The following RANBP9 variants were observed in gnomAD, a reference collection of about 807,000 sequenced individuals.
RANBP9 encodes the protein ran-binding protein 9.
A neutral mutation model predicts 84.3 loss-of-function variants in RANBP9; 15 were observed. The observed-to-expected ratio is 0.18, with a 90% CI of 0.12 to 0.27. The LOEUF is 0.27. Among genes scored for constraint, RANBP9 ranks in the 10% least tolerant of loss-of-function variants. The pLI is 1.00. For synonymous variants in RANBP9, 392 were observed against 349.6 expected (o/e 1.12, Z -1.35); for missense variants, 809 against 912.8 (o/e 0.89, Z 1.46).
intron 2 of RANBP9, among the ~76,000 whole-genome samples, chr6:13,666,920 G>A (rs1043571960): frequency 1.3e-5 from 2 of 152,142 alleles, no homozygotes; most frequent in African/African-American, 4.8e-5. Flanking sequence ...ATCTGACAAA[G>A]GGAAATTTGT....
chr6:13,623,281 A>G (rs1562293258), intron 13 of RANBP9, among the ~76,000 whole-genome samples: 1 of 152,240 alleles, frequency 6.6e-6, no homozygotes, highest in African/African-American at 2.4e-5. Flanking sequence ...AATCAATAAA[A>G]TTACTAATCA....
rs1584955365 is a variant in RANBP9, at chr6:13,711,188, C to G, written c.318G>C (p.Pro106=). The part of the protein sequence containing the change: ...AAPASGPPAP[P]GLAAGPGPAG... ...CCGGGCCGGGGCCCGCTGCAAGGCC[C>G]GGGGGAGCGGGCGGCCCGCTGGCGG... is the stretch of plus-strand genomic sequence containing the variant. Residue 106 remains proline, a synonymous_variant, in exon 1 of 14, where the codon CCG becomes CCC. Transcript: ENST00000011619. 1 of 1,127,982 alleles carries G rather than the reference C, an allele frequency of 8.9e-7. No individual in the cohort carries two copies. Among genetic ancestry groups the G allele is most frequent in the Non-Finnish European group, 1.1e-6 (1 of 924,026 alleles). The allele number at this position is 1,127,982 out of a possible 1,614,324, so 69.9% of individuals were successfully genotyped here. A position where few individuals can be genotyped will look rare whatever the true frequency, so the allele number is the denominator to read the frequency against.
At chr6:13,641,453 T>C in intron 7 of RANBP9, 146 bp from the exon 8 acceptor site, 1 of 569,062 alleles carries the variant, frequency 1.8e-6, no homozygotes, top group Non-Finnish European at 3.0e-6. Context: ...ATAGTTTCCA[T>C]TAGGCAATCC....
At chr6:13,705,406 CAAAAAAAAAA>C (rs774239782) in intron 1 of RANBP9, among the ~76,000 whole-genome samples, 384 of 26,752 alleles carry the variant, frequency 0.014, 4 homozygotes, top group African/African-American at 0.045. Flanking sequence ...GATTCTGTCT[CAAAAAAAAAA>C]AAAAAAAAAA....
intron 2 of RANBP9, among the ~76,000 whole-genome samples, chr6:13,673,085 C>T (rs1765811830): frequency 6.6e-6 from 1 of 152,120 alleles, no homozygotes; most frequent in Non-Finnish European, 1.5e-5. Flanking sequence ...AACATCAAAA[C>T]ATCAACACCT....
intron 2 of RANBP9, among the ~76,000 whole-genome samples, chr6:13,695,698 C>T (rs1303809575): frequency 6.6e-6 from 1 of 152,078 alleles, no homozygotes; most frequent in Non-Finnish European, 1.5e-5. Flanking sequence ...ACCACTCTAT[C>T]CTTGGCATCT....
chr6:13,658,934 T>G (rs1473986603), intron 2 of RANBP9, 102 bp from the exon 3 acceptor site: 15 of 1,169,830 alleles, frequency 1.3e-5, no homozygotes, highest in Non-Finnish European at 1.9e-5. Flanking sequence ...AAGCCCAAGT[T>G]GGAACTCCTA....
chr6:13,624,807 G>C (rs1331345324), intron 13 of RANBP9, among the ~76,000 whole-genome samples: 1 of 152,180 alleles, frequency 6.6e-6, no homozygotes. Context: ...TATTGGGTAA[G>C]GGCATGTAGT....
At chr6:13,700,297 G>A (rs1724248535) in intron 1 of RANBP9, among the ~76,000 whole-genome samples, 1 of 152,104 alleles carries the variant, frequency 6.6e-6, no homozygotes, top group African/African-American at 2.4e-5. Context: ...ATACAACTAA[G>A]ATTCCTTCCA....
chr6:13,638,484 T>C (rs1764989822), intron 9 of RANBP9, among the ~76,000 whole-genome samples: 1 of 152,004 alleles, frequency 6.6e-6, no homozygotes, highest in Non-Finnish European at 1.5e-5. Flanking sequence ...AGATAACATC[T>C]TGGGAAATGC....
intron 5 of RANBP9, among the ~76,000 whole-genome samples, chr6:13,651,486 C>T (rs1333205229): frequency 6.6e-6 from 1 of 151,976 alleles, no homozygotes; most frequent in Non-Finnish European, 1.5e-5. Context: ...GCTCCGCCTC[C>T]TGGGTTCACG....
chr6:13,699,279 G>T (rs143792762), intron 1 of RANBP9, among the ~76,000 whole-genome samples: 2,046 of 152,134 alleles, frequency 0.013, 42 homozygotes, highest in African/African-American at 0.047. Context: ...ATATTTGTTA[G>T]GATTCACTAA....
chr6:13,681,422 G>A lies in RANBP9; in HGVS notation c.683+15363C>T, dbSNP rs9382373. On this transcript the variant is annotated intron_variant, in intron 2 of 13. Transcript: ENST00000011619. ...CACATTAATCAATAATACATTTTAAGTGCAAAAAACCCACAGACACTGGGG... is the reference window on the plus strand; with the variant it reads ...CACATTAATCAATAATACATTTTAAATGCAAAAAACCCACAGACACTGGGG... 8.7e-3 allele frequency among the ~76,000 whole-genome samples: 1,321 copies of A among 152,194 alleles called. 45 individuals are homozygous for A. In the East Asian group the frequency reaches 0.11, roughly 12 times the overall value.
chr6:13,676,455 A>G (rs1765887819), intron 2 of RANBP9, among the ~76,000 whole-genome samples: 1 of 152,112 alleles, frequency 6.6e-6, no homozygotes, highest in African/African-American at 2.4e-5. Context: ...AGTCATTCTG[A>G]GTCTAGCATT....
At chr6:13,690,028 A>G (rs1320725458) in intron 2 of RANBP9, among the ~76,000 whole-genome samples, 5 of 152,196 alleles carry the variant, frequency 3.3e-5, no homozygotes, top group Non-Finnish European at 5.9e-5. Flanking sequence ...CTAGGTTTAC[A>G]TAAGTACCCT....
At chr6:13,623,074 T>C (rs1442740284) in intron 13 of RANBP9, among the ~76,000 whole-genome samples, 3 of 152,138 alleles carry the variant, frequency 2.0e-5, no homozygotes, top group African/African-American at 7.2e-5. Flanking sequence ...CAGTGGACAG[T>C]TCAGACATTT....
chr6:13,627,066 C>A (rs1258510660), intron 12 of RANBP9, among the ~76,000 whole-genome samples: 1 of 152,146 alleles, frequency 6.6e-6, no homozygotes, highest in East Asian at 1.9e-4. Context: ...GGGTAGTTTT[C>A]TCCTCCAATT....
At chr6:13,703,502 G>C (rs1344411859) in intron 1 of RANBP9, among the ~76,000 whole-genome samples, 2 of 152,094 alleles carry the variant, frequency 1.3e-5, no homozygotes, top group Non-Finnish European at 2.9e-5. Flanking sequence ...GTACCAGCAG[G>C]GTATTTTGTA....
chr6:13,688,004 A>C (rs1157245175), intron 2 of RANBP9, among the ~76,000 whole-genome samples: 1 of 152,228 alleles, frequency 6.6e-6, no homozygotes, highest in Non-Finnish European at 1.5e-5. Flanking sequence ...AGCAGCAAGA[A>C]GACACGAGTT....
Sources: gnomAD v4.1 joint callset for allele counts (sites outside exome capture counted in the v4.1 genomes callset) on GRCh38, gnomAD v4.1.1 for gene constraint, MANE v1.5 for transcripts, NCBI Gene and HGNC (gene_info 2026-07-23, HGNC 2026-07-21) for gene names.